The following AIFM1 variants were observed in gnomAD, a reference collection of about 807,000 sequenced individuals.
The protein encoded by AIFM1 is apoptosis inducing factor mitochondria associated 1.
Under a neutral mutation model 51.7 loss-of-function variants are expected in AIFM1, and 3 were observed. That is an observed-to-expected ratio of 0.06 (90% CI 0.03 to 0.15). The LOEUF is 0.15. Among genes scored for constraint, AIFM1 ranks in the 10% least tolerant of loss-of-function variants. AIFM1 has a pLI of 1.00. For missense variants in AIFM1, 330 were observed against 476.8 expected, an observed-to-expected ratio of 0.69 and a Z score of 2.87; for synonymous variants, 178 against 179.4, an observed-to-expected ratio of 0.99 and a Z score of 0.06.
intron 13 of AIFM1, 150 bp downstream of exon 13, chrX:130,133,163 T>G: frequency 1.4e-6 from 1 of 694,661 alleles, no homozygotes; most frequent in Non-Finnish European, 2.3e-6. Context: ...GATGGCTACC[T>G]GAGGGTAGAA....
At chrX:130,143,118 T>G (rs188336) in intron 6 of AIFM1, among the ~76,000 whole-genome samples, 53,793 of 109,873 alleles carry the variant, frequency 0.49, 10,319 homozygotes, top group African/African-American at 0.69. Context: ...AAATTGGGGT[T>G]CCCCAGGGCT....
rs142298610 is a variant in AIFM1 at position 130,149,025 on chromosome X, G to T, written c.349+444C>A. On this transcript the variant is annotated intron_variant, in intron 3 of 15. Transcript: ENST00000287295. ...CAACCTCCGCCACTTCAGTTCAAGA[G>T]ATTCTCATGCCTCAGCCTCCCGAGC... is the stretch of plus-strand genomic sequence containing the variant. 7.7e-3 allele frequency among the ~76,000 whole-genome samples: 789 copies of T among 102,345 alleles called. 18 individuals carry two copies. The highest frequency in any genetic ancestry group is 0.066 in the Admixed American group (609 of 9,210). The allele number at this position is 102,345 out of a possible 115,157, so 88.9% of individuals were successfully genotyped here.
At chrX:130,137,734 C>T in intron 9 of AIFM1, 3 of 1,051,086 alleles carry the variant, frequency 2.9e-6, no homozygotes, top group Middle Eastern at 2.8e-4. Context: ...CTAAGGAGTC[C>T]TGGCATAGAG....
At position 130,165,669 on chromosome X, in the gene AIFM1, T is replaced by C; in HGVS notation, c.-13A>G. ...CACACCGGAACATTTCGGCGACCGC[T>C]ATTCGGGACCTCCTCCTTCCCTTTC... On this transcript the variant is annotated 5_prime_UTR_variant, in exon 1 of 16. The change creates a new upstream start codon in the 5' untranslated region. Transcript: ENST00000287295. The C allele has an allele frequency of 8.5e-7, 1 of 1,171,304 alleles. No individual in the cohort carries two copies. The highest frequency in any genetic ancestry group is 1.2e-6 in the Non-Finnish European group (1 of 868,545).
intron 6 of AIFM1, among the ~76,000 whole-genome samples, chrX:130,142,415 T>C (rs767242425): frequency 9.0e-6 from 1 of 111,414 alleles, no homozygotes; most frequent in Non-Finnish European, 1.9e-5. Flanking sequence ...TTCTATTGTA[T>C]TGCAAAAACA....
At chrX:130,135,953 A>G in intron 12 of AIFM1, 92 bp downstream of exon 12, 1 of 1,111,985 alleles carries the variant, frequency 9.0e-7, no homozygotes, top group Non-Finnish European at 1.2e-6. Flanking sequence ...CTATTTGGTT[A>G]GGCTGTTGAT....
intron 12 of AIFM1, among the ~76,000 whole-genome samples, chrX:130,135,498 G>A (rs1387788921): frequency 9.6e-6 from 1 of 103,723 alleles, no homozygotes; most frequent in Non-Finnish European, 1.9e-5. Context: ...AGGTACCTAC[G>A]TCCTTAGTTG....
rs746155778 is a variant in AIFM1, at chrX:130,136,651, C to T, written c.1156G>A (p.Gly386Ser). Reference sequence around the variant, plus strand: ...ATCTTTTCCTTCCTTACCTTCCTGCCGTCTTTCAGCTTGATAAGTAACTTG... The same window carrying T: ...ATCTTTTCCTTCCTTACCTTCCTGCTGTCTTTCAGCTTGATAAGTAACTTG... ...SGKLLIKLKDGRKVETDHIVA... is the reference protein window; with the variant it reads ...SGKLLIKLKDSRKVETDHIVA... Residue 386 changes from glycine (G) to serine (S), a missense_variant, in exon 11 of 16, where the codon GGC (glycine) becomes AGC (serine). Around this residue, in one of 4 missense-constraint regions of AIFM1, gnomAD observed 152 missense variants for 292.8 expected, o/e 0.52. Transcript: ENST00000287295. 58 of 1,207,305 alleles carry T rather than the reference C, an allele frequency of 4.8e-5. No individual in the cohort carries two copies. The highest frequency in any genetic ancestry group is 6.2e-5 in the Non-Finnish European group (55 of 893,674).
chrX:130,162,340 T>G (rs1396712024), intron 1 of AIFM1, among the ~76,000 whole-genome samples: 2 of 111,832 alleles, frequency 1.8e-5, no homozygotes, highest in East Asian at 5.6e-4. Context: ...ATACCAAACT[T>G]GTCTGATCAT....
At chrX:130,138,997 G>T (rs1288985068) in intron 8 of AIFM1, among the ~76,000 whole-genome samples, 1 of 111,164 alleles carries the variant, frequency 9.0e-6, no homozygotes, top group African/African-American at 3.3e-5. Flanking sequence ...AGCATTTAGT[G>T]TGCAGAGGCC....
chrX:130,159,870 GAGTGC>G (rs1447823212), intron 1 of AIFM1, among the ~76,000 whole-genome samples: 1 of 108,298 alleles, frequency 9.2e-6, no homozygotes, highest in Non-Finnish European at 1.9e-5. Context: ...CCCCAAGCTG[GAGTGC>G]AGTGGCACAA....
At chrX:130,131,935 C>A (rs865923568) in intron 13 of AIFM1, 136 bp from the exon 14 acceptor site, 2 of 763,182 alleles carry the variant, frequency 2.6e-6, no homozygotes, top group Middle Eastern at 8.1e-4. Context: ...GCAATGGGTG[C>A]GAACTCAGTT....
At position 130,147,552 on chromosome X, in the gene AIFM1, T is replaced by C; in HGVS notation, c.546A>G (p.Ser182=). ...GTGTCTTTGTGACATTTGGGTCATC[T>C]GAAAACCACAGTTCTTTTGAAAGAG... is the stretch of plus-strand genomic sequence containing the variant. The part of the protein sequence containing the change: ...RPPLSKELWF[S]DDPNVTKTLR... The change falls in exon 5 of 16, where the codon TCA becomes TCG. Residue 182 remains serine, a synonymous_variant. Transcript: ENST00000287295. The C allele has an allele frequency of 8.2e-7, 1 of 1,212,282 alleles. No individual in the cohort carries two copies. The highest frequency in any genetic ancestry group is 1.1e-6 in the Non-Finnish European group (1 of 895,592).
intron 1 of AIFM1, among the ~76,000 whole-genome samples, chrX:130,161,974 C>G (rs932513015): frequency 8.9e-6 from 1 of 111,855 alleles, no homozygotes; most frequent in African/African-American, 3.2e-5. Context: ...GTAGTAATAA[C>G]TATAGTACAG....
At chrX:130,136,244 C>T in intron 11 of AIFM1, 59 bp from the exon 12 acceptor site, 11 of 1,156,669 alleles carry the variant, frequency 9.5e-6, no homozygotes, top group Admixed American at 2.2e-5. Flanking sequence ...TGCCTACAGG[C>T]GTAACAATGG....
intron 6 of AIFM1, 94 bp downstream of exon 6, chrX:130,145,385 G>T: frequency 1.5e-6 from 1 of 682,068 alleles, no homozygotes; most frequent in Non-Finnish European, 2.4e-6. Flanking sequence ...TACAATGGCA[G>T]GACAGACATA....
At chrX:130,164,473 T>C (rs781266503) in intron 1 of AIFM1, among the ~76,000 whole-genome samples, 1 of 112,754 alleles carries the variant, frequency 8.9e-6, no homozygotes, top group Admixed American at 9.4e-5. Context: ...CAGGTGTTTC[T>C]GTATTGTAAA....
intron 12 of AIFM1, among the ~76,000 whole-genome samples, chrX:130,134,729 T>G (rs1348446185): frequency 9.0e-6 from 1 of 111,321 alleles, no homozygotes; most frequent in Non-Finnish European, 1.9e-5. Flanking sequence ...GATGTGGCAT[T>G]TGAGCTCTCT....
chrX:130,160,216 A>C (rs1319099154), intron 1 of AIFM1, among the ~76,000 whole-genome samples: 1 of 111,546 alleles, frequency 9.0e-6, no homozygotes, highest in Non-Finnish European at 1.9e-5. Context: ...CCCCCTCCCC[A>C]CATTTTCTTT....
Sources: allele counts gnomAD v4.1 joint callset (sites outside exome capture counted in the v4.1 genomes callset), GRCh38; gene constraint gnomAD v4.1.1; regional missense constraint gnomAD v4.1.1; transcripts MANE v1.5; gene names NCBI Gene and HGNC (gene_info 2026-07-23, HGNC 2026-07-21).